The following FAM227B variants were observed in gnomAD, a reference collection of about 807,000 sequenced individuals.
FAM227B encodes protein FAM227B.
A neutral mutation model predicts 73.8 loss-of-function variants in FAM227B; 88 were observed. The observed-to-expected ratio is 1.19, with a 90% CI of 1.00 to 1.42. The LOEUF (loss-of-function observed/expected upper bound fraction) is 1.42. Among genes scored for constraint, FAM227B ranks in the 40% most tolerant of loss-of-function variants. The probability of loss-of-function intolerance (pLI) is 0.00; values close to 1 mark genes in which losing one functional copy is unlikely to be tolerated. For synonymous variants in FAM227B, 210 were observed against 190.5 expected, an observed-to-expected ratio of 1.10 and a Z score of -0.84; for missense variants, 632 against 590.9, an observed-to-expected ratio of 1.07 and a Z score of -0.72.
intron 11 of FAM227B, among the ~76,000 whole-genome samples, chr15:49,378,296 T>C (rs1164027851): frequency 3.3e-5 from 5 of 152,030 alleles, no homozygotes; most frequent in Non-Finnish European, 1.5e-5. Flanking sequence ...CTTTGGTTTT[T>C]CTTGGTGTTC....
At chr15:49,552,665 TTTTG>T (rs1186838181) in intron 9 of FAM227B, among the ~76,000 whole-genome samples, 3 of 152,142 alleles carry the variant, frequency 2.0e-5, no homozygotes, top group South Asian at 2.1e-4. Flanking sequence ...TTTCATTGTT[TTTTG>T]TTTTTTTCTT....
intron 5 of FAM227B, among the ~76,000 whole-genome samples, chr15:49,585,262 A>G (rs1332097193): frequency 1.3e-5 from 2 of 152,238 alleles, no homozygotes; most frequent in East Asian, 3.8e-4. Flanking sequence ...AACTAGTTCA[A>G]CCATTGTGGA....
At chr15:49,588,129 C>G in intron 4 of FAM227B, 46 bp from the exon 5 acceptor site, 2 of 1,145,260 alleles carry the variant, frequency 1.7e-6, no homozygotes, top group Non-Finnish European at 2.3e-6. Context: ...TACATATGAA[C>G]CTCCTCTAAA....
intron 13 of FAM227B, among the ~76,000 whole-genome samples, chr15:49,361,591 G>A (rs2044248273): frequency 1.3e-5 from 2 of 152,106 alleles, no homozygotes; most frequent in African/African-American, 4.8e-5. Flanking sequence ...TAGTTTTTAT[G>A]GCTGCACAGT....
At chr15:49,550,764 G>A (rs1346075884) in intron 9 of FAM227B, among the ~76,000 whole-genome samples, 1 of 151,160 alleles carries the variant, frequency 6.6e-6, no homozygotes, top group African/African-American at 2.4e-5. Flanking sequence ...TAGATGGGAT[G>A]GCGGCCGGGC....
chr15:49,459,134 T>C (rs2053570247), intron 11 of FAM227B, among the ~76,000 whole-genome samples: 1 of 152,208 alleles, frequency 6.6e-6, no homozygotes, highest in South Asian at 2.1e-4. Context: ...TTCAAAATGC[T>C]TTGAATCTTT....
At chr15:49,616,062 T>C (rs544106497) in intron 1 of FAM227B, among the ~76,000 whole-genome samples, 2 of 152,340 alleles carry the variant, frequency 1.3e-5, no homozygotes, top group South Asian at 2.1e-4. Context: ...GCTAGTTATG[T>C]TCCCTGAACC....
chr15:49,576,116 A>G (rs1326738321), intron 7 of FAM227B: 1 of 152,316 alleles, frequency 6.6e-6, no homozygotes, highest in African/African-American at 2.4e-5. Context: ...AGTATGATGT[A>G]CACTGATAAC....
intron 7 of FAM227B, 155 bp downstream of exon 7, chr15:49,576,586 C>T (rs532125625): frequency 4.6e-5 from 27 of 582,612 alleles, no homozygotes; most frequent in East Asian, 3.2e-4. Context: ...TGGTAATTAG[C>T]GGTTAGACAC....
At chr15:49,436,020 T>C (rs2051070107) in intron 11 of FAM227B, among the ~76,000 whole-genome samples, 1 of 151,544 alleles carries the variant, frequency 6.6e-6, no homozygotes, top group African/African-American at 2.4e-5. Flanking sequence ...AATATCTCCA[T>C]GCTGTAAGCT....
At chr15:49,619,694 C>G (rs2078545407) in intron 1 of FAM227B, among the ~76,000 whole-genome samples, 1 of 152,158 alleles carries the variant, frequency 6.6e-6, no homozygotes, top group Non-Finnish European at 1.5e-5. Context: ...GTATTATTTG[C>G]TTTTTAATCT....
intron 11 of FAM227B, among the ~76,000 whole-genome samples, chr15:49,426,792 A>G (rs1180835651): frequency 6.6e-6 from 1 of 151,986 alleles, no homozygotes; most frequent in East Asian, 1.9e-4. Context: ...CTAAAAAGAC[A>G]AGATACACAT....
At chr15:49,540,880 T>C (rs1021729398) in intron 10 of FAM227B, among the ~76,000 whole-genome samples, 2 of 152,178 alleles carry the variant, frequency 1.3e-5, no homozygotes, top group African/African-American at 4.8e-5. Flanking sequence ...CAGGAGATTC[T>C]TACCCGTGTG....
chr15:49,452,112 G>A (rs1311723193), intron 11 of FAM227B, among the ~76,000 whole-genome samples: 2 of 151,920 alleles, frequency 1.3e-5, no homozygotes, highest in Non-Finnish European at 2.9e-5. Context: ...CATGGTCTTG[G>A]CTCACTGCAG....
chr15:49,334,100 T>G lies in FAM227B; in HGVS notation c.1349+1319A>C, dbSNP rs111775464. ...AGATGATTTTGTGATTAAAGAAAGTTAAAATGTTACTCCAGATTAACTGTT... is the reference window on the plus strand; with the variant it reads ...AGATGATTTTGTGATTAAAGAAAGTGAAAATGTTACTCCAGATTAACTGTT... On this transcript the variant is annotated intron_variant, in intron 14 of 15. Coordinates refer to ENST00000299338, the MANE Select transcript of FAM227B (RefSeq NM_152647.3). The G allele has an allele frequency of 5.5e-3, 994 of 180,120 alleles. 17 individuals are homozygous for G. The highest frequency in any genetic ancestry group is 0.023 in the African/African-American group (956 of 42,056). The allele number at this position is 180,120 out of a possible 1,614,324, so 11.2% of individuals were successfully genotyped here.
At chr15:49,479,450 C>T (rs1205270406) in intron 11 of FAM227B, among the ~76,000 whole-genome samples, 1 of 151,914 alleles carries the variant, frequency 6.6e-6, no homozygotes, top group Non-Finnish European at 1.5e-5. Flanking sequence ...TGTGAGGCAA[C>T]GGATACACTG....
At chr15:49,506,063 A>T (rs1211896295) in intron 11 of FAM227B, among the ~76,000 whole-genome samples, 1 of 152,044 alleles carries the variant, frequency 6.6e-6, no homozygotes, top group Non-Finnish European at 1.5e-5. Flanking sequence ...GGTTAAAGGA[A>T]AAACCTAATA....
At chr15:49,551,417 G>A (rs2072999933) in intron 9 of FAM227B, among the ~76,000 whole-genome samples, 1 of 152,118 alleles carries the variant, frequency 6.6e-6, no homozygotes, top group Non-Finnish European at 1.5e-5. Flanking sequence ...TACAAGTATA[G>A]CAATTCCTTT....
At chr15:49,483,628 A>G (rs1412345655) in intron 11 of FAM227B, among the ~76,000 whole-genome samples, 3 of 152,044 alleles carry the variant, frequency 2.0e-5, no homozygotes, top group South Asian at 4.1e-4. Context: ...AATTCTTGGG[A>G]AAAAATCTTG....
Sources: gnomAD v4.1 joint callset for allele counts (sites outside exome capture counted in the v4.1 genomes callset) on GRCh38, gnomAD v4.1.1 for gene constraint, MANE v1.5 for transcripts, NCBI Gene and HGNC (gene_info 2026-07-23, HGNC 2026-07-21) for gene names.